CAPZA2: variants seen among roughly 807,000 people sequenced by gnomAD.
CAPZA2 encodes the protein F-actin-capping protein subunit alpha-2.
A neutral mutation model predicts 44.0 loss-of-function variants in CAPZA2; 13 were observed. That is an observed-to-expected ratio of 0.30 (90% CI 0.19 to 0.47). The LOEUF is 0.47. Ranked by LOEUF, CAPZA2 falls within the 20% of genes least tolerant of loss-of-function variation. The pLI, the probability that CAPZA2 is intolerant of heterozygous loss-of-function variation, is 1.00. For synonymous variants in CAPZA2, 94 were observed against 108.2 expected, an observed-to-expected ratio of 0.87 and a Z score of 0.81; for missense variants, 244 against 338.6, an observed-to-expected ratio of 0.72 and a Z score of 2.19.
chr7:116,910,918 G>A (rs914500076), intron 7 of CAPZA2, among the ~76,000 whole-genome samples: 27 of 149,118 alleles, frequency 1.8e-4, no homozygotes, highest in Admixed American at 6.1e-4. Flanking sequence ...TTGAACCCGG[G>A]AGGCAGAGGT....
At chr7:116,881,425 G>A (rs1796696544) in intron 1 of CAPZA2, among the ~76,000 whole-genome samples, 1 of 151,890 alleles carries the variant, frequency 6.6e-6, no homozygotes, top group African/African-American at 2.4e-5. Flanking sequence ...TGTATTCAGG[G>A]CATTCTTTTA....
At chr7:116,867,345 C>A (rs1202590704) in intron 1 of CAPZA2, among the ~76,000 whole-genome samples, 2 of 152,170 alleles carry the variant, frequency 1.3e-5, no homozygotes, top group African/African-American at 4.8e-5. Context: ...CTAGACTAAT[C>A]CCTCCTGTTT....
At chr7:116,904,628 TGATTAAAGGAGCA>T in intron 5 of CAPZA2, 1 of 401,052 alleles carries the variant, frequency 2.5e-6, no homozygotes, top group South Asian at 4.3e-5. Context: ...TCTAATACAT[TGATTAAAGGAGCA>T]GGATATGGTG....
At chr7:116,904,682 C>T in intron 5 of CAPZA2, 1 of 229,898 alleles carries the variant, frequency 4.3e-6, no homozygotes, top group East Asian at 9.3e-5. Context: ...CATGACTCGT[C>T]TCAGTTTAGA....
chr7:116,912,045 T>C, intron 7 of CAPZA2, 24 bp from the exon 8 acceptor site: 1 of 1,610,428 alleles, frequency 6.2e-7, no homozygotes, highest in Non-Finnish European at 8.5e-7. Context: ...GTAATGTGGT[T>C]TCTGTAATTT....
chr7:116,920,597 A>G lies in CAPZA2; in HGVS notation c.*2730A>G, dbSNP rs1260733389. 2 of 152,418 alleles carry G rather than the reference A, an allele frequency of 1.3e-5. No individual in the cohort carries two copies. Among genetic ancestry groups the G allele is most frequent in the Admixed American group, 1.3e-4 (2 of 15,280 alleles). 9.4% of individuals were successfully genotyped at this position (152,418 alleles called of 1,614,324 possible). ...TCTGGGGCTGGAGAAATTGAGGAAGATTCTTGTAGGAGCAAGTTGGTTTGG... is the reference window on the plus strand; with the variant it reads ...TCTGGGGCTGGAGAAATTGAGGAAGGTTCTTGTAGGAGCAAGTTGGTTTGG... On this transcript the variant is annotated 3_prime_UTR_variant, in exon 10 of 10. Transcript: ENST00000361183.
Position 116,906,541 on chromosome 7 carries a change from A to T in CAPZA2, c.506+199A>T. 3 of 897,434 alleles carry T rather than the reference A, an allele frequency of 3.3e-6. No individual in the cohort carries two copies. The South Asian group carries it at 6.7e-5, about 20-fold the overall frequency. The allele number at this position is 897,434 out of a possible 1,614,324, so 55.6% of individuals were successfully genotyped here. A position where few individuals can be genotyped will look rare whatever the true frequency, so the allele number is the denominator to read the frequency against. On this transcript the variant is annotated intron_variant, in intron 6 of 9. Transcript: ENST00000361183. Reference sequence around the variant, plus strand: ...ACTAAAGGTAGTGGTAAATCTGTTGACATTCAGTGGAAAGAGTATGGGACT... The same window carrying T: ...ACTAAAGGTAGTGGTAAATCTGTTGTCATTCAGTGGAAAGAGTATGGGACT...
chr7:116,897,657 G>A (rs1796944761), intron 3 of CAPZA2, among the ~76,000 whole-genome samples: 2 of 151,998 alleles, frequency 1.3e-5, no homozygotes, highest in African/African-American at 4.8e-5. Flanking sequence ...TGATTTCCCA[G>A]ATTTTAGATT....
chr7:116,886,794 CACTACCTCAGCTT>C (rs1207540274), intron 1 of CAPZA2, among the ~76,000 whole-genome samples: 1 of 152,196 alleles, frequency 6.6e-6, no homozygotes, highest in East Asian at 1.9e-4. Flanking sequence ...CTTTCAGGGA[CACTACCTCAGCTT>C]ATTCACAGGT....
intron 1 of CAPZA2, among the ~76,000 whole-genome samples, chr7:116,886,493 A>G (rs964442355): frequency 1.3e-5 from 2 of 152,148 alleles, no homozygotes; most frequent in African/African-American, 4.8e-5. Flanking sequence ...CACATACACA[A>G]ACACACACAG....
intron 1 of CAPZA2, among the ~76,000 whole-genome samples, chr7:116,878,033 C>T (rs771369217): frequency 2.0e-5 from 3 of 152,054 alleles, no homozygotes; most frequent in Non-Finnish European, 4.4e-5. Flanking sequence ...GAGAGAAGTG[C>T]GGAATGATTT....
chr7:116,873,292 G>T (rs1001407694), intron 1 of CAPZA2, among the ~76,000 whole-genome samples: 1 of 152,044 alleles, frequency 6.6e-6, no homozygotes, highest in East Asian at 1.9e-4. Flanking sequence ...CTGTTTGGGG[G>T]TTTTGTTTTT....
chr7:116,915,764 T>A lies in CAPZA2; in HGVS notation c.658-296T>A, dbSNP rs117771968. On this transcript the variant is annotated intron_variant, in intron 8 of 9. Transcript: ENST00000361183. ...CCAAACTTCTTACCCATAAAGGTTG[T>A]CTATTGGAATGCATGTCCAGTGTTT... 765 of 183,332 alleles carry A rather than the reference T, an allele frequency of 4.2e-3. 5 individuals are homozygous for A. Among genetic ancestry groups the A allele is most frequent in the South Asian group, 0.021 (155 of 7,384 alleles). 11.4% of individuals were successfully genotyped at this position (183,332 alleles called of 1,614,324 possible).
At chr7:116,902,287 G>T (rs1482776612) in intron 4 of CAPZA2, among the ~76,000 whole-genome samples, 2 of 152,026 alleles carry the variant, frequency 1.3e-5, no homozygotes, top group Non-Finnish European at 2.9e-5. Context: ...AATAACACTG[G>T]ATACCCAGGA....
At chr7:116,887,003 T>G (rs899244859) in intron 1 of CAPZA2, among the ~76,000 whole-genome samples, 3 of 152,264 alleles carry the variant, frequency 2.0e-5, no homozygotes, top group Non-Finnish European at 4.4e-5. Context: ...TACTTGTCTT[T>G]GAACTAAGAT....
intron 3 of CAPZA2, among the ~76,000 whole-genome samples, chr7:116,894,174 C>A (rs553879508): frequency 6.6e-6 from 1 of 152,174 alleles, no homozygotes; most frequent in East Asian, 1.9e-4. Context: ...CCATCCTGAC[C>A]AACATGGTGA....
rs1390099124 is a variant in CAPZA2 at position 116,920,224 on chromosome 7, G to A, written c.*2357G>A. The A allele has an allele frequency of 6.6e-6, 1 of 151,288 alleles. No individual in the cohort carries two copies. Among genetic ancestry groups the A allele is most frequent in the Non-Finnish European group, 1.5e-5 (1 of 67,864 alleles). The allele number at this position is 151,288 out of a possible 1,614,324, so 9.4% of individuals were successfully genotyped here. ...CGAGCCACTGTACTCCAGCCTGGGTGACACAGGGAGCCTCTGTCTCAAAAT... is the reference window on the plus strand; with the variant it reads ...CGAGCCACTGTACTCCAGCCTGGGTAACACAGGGAGCCTCTGTCTCAAAAT... On this transcript the variant is annotated 3_prime_UTR_variant, in exon 10 of 10. Coordinates refer to ENST00000361183, the MANE Select transcript of CAPZA2 (RefSeq NM_006136.3).
intron 1 of CAPZA2, among the ~76,000 whole-genome samples, chr7:116,868,742 T>TA (rs957403304): frequency 6.6e-6 from 1 of 151,802 alleles, no homozygotes; most frequent in Non-Finnish European, 1.5e-5. Flanking sequence ...TCAAAAAGTT[T>TA]AAAAAAAAAT....
intron 1 of CAPZA2, among the ~76,000 whole-genome samples, chr7:116,879,307 C>G (rs1245621999): frequency 6.6e-6 from 1 of 152,090 alleles, no homozygotes; most frequent in Admixed American, 6.5e-5. Context: ...CTCCAGAGAT[C>G]ATACTGTAAA....
Sources: allele counts gnomAD v4.1 joint callset (sites outside exome capture counted in the v4.1 genomes callset), GRCh38; gene constraint gnomAD v4.1.1; transcripts MANE v1.5; gene names NCBI Gene and HGNC (gene_info 2026-07-23, HGNC 2026-07-21).